The following MAP3K15 variants were observed in gnomAD, a reference collection of about 807,000 sequenced individuals.
The protein encoded by MAP3K15 is MAPK/ERK kinase kinase 15.
MAP3K15 carries 124 observed loss-of-function variants against 99.5 expected under a neutral mutation model. The ratio of observed to expected loss-of-function variants is 1.25; its 90% CI spans 1.08 to 1.45. The LOEUF (loss-of-function observed/expected upper bound fraction) is 1.45. Ranked by LOEUF, MAP3K15 falls within the 40% of genes most tolerant of loss-of-function variation. The pLI is 0.00. For synonymous variants in MAP3K15, 494 were observed against 439.6 expected, an observed-to-expected ratio of 1.12 and a Z score of -1.55; for missense variants, 1,242 against 1,079.7, an observed-to-expected ratio of 1.15 and a Z score of -2.11.
chrX:19,437,827 T>C (rs1475624109), intron 6 of MAP3K15, among the ~76,000 whole-genome samples: 1 of 111,757 alleles, frequency 8.9e-6, no homozygotes, highest in Admixed American at 9.6e-5. Flanking sequence ...TGAGCAGTTA[T>C]TGTAGTGACA....
intron 9 of MAP3K15, 122 bp from the exon 10 acceptor site, chrX:19,415,379 C>T (rs2063725864): frequency 6.4e-6 from 4 of 622,754 alleles, no homozygotes; most frequent in Non-Finnish European, 6.8e-6. Context: ...GTCATGAGTG[C>T]TTCATAAACG....
intron 6 of MAP3K15, among the ~76,000 whole-genome samples, chrX:19,436,464 A>C (rs911047736): frequency 9.0e-6 from 1 of 111,343 alleles, no homozygotes; most frequent in African/African-American, 3.3e-5. Context: ...GTCCCTTGGC[A>C]GTACCCTTGG....
At chrX:19,423,919 A>G (rs746311663) in intron 9 of MAP3K15, among the ~76,000 whole-genome samples, 3 of 111,484 alleles carry the variant, frequency 2.7e-5, no homozygotes, top group Non-Finnish European at 5.6e-5. Context: ...TCCCCAATAA[A>G]AACCCTGGAC....
At chrX:19,393,030 A>C (rs950905480) in intron 16 of MAP3K15, among the ~76,000 whole-genome samples, 5 of 110,900 alleles carry the variant, frequency 4.5e-5, no homozygotes, top group Non-Finnish European at 7.5e-5. Context: ...TCAGGGCAGG[A>C]CTGTCTTGAT....
intron 2 of MAP3K15, 28 bp downstream of exon 2, chrX:19,488,800 T>A (rs1327483972): frequency 8.5e-7 from 1 of 1,172,763 alleles, no homozygotes; most frequent in Non-Finnish European, 1.1e-6. Context: ...CAAAACAAAG[T>A]ACTCAGGAGA....
intron 21 of MAP3K15, 81 bp from the exon 22 acceptor site, chrX:19,372,908 G>A (rs2063386821): frequency 4.1e-6 from 4 of 971,303 alleles, no homozygotes; most frequent in Non-Finnish European, 5.7e-6. Flanking sequence ...ACGCCCTGGA[G>A]AAGGGCTGAG....
chrX:19,372,745 G>A lies in MAP3K15; in HGVS notation c.3016C>T (p.Arg1006Cys), dbSNP rs373296139. The change falls in exon 22 of 29, where the codon CGC becomes TGC. Residue 1006 changes from arginine (R) to cysteine (C), a missense_variant. Physicochemically the swap from Arg to Cys is radical, Grantham distance 180 (BLOSUM62 -3). Transcript: ENST00000338883. ...ATGGCACGGCGCTCACTGTCCTTGC[G>A]TAGCAGGAAGAGGCCCTGGTCCCTG... is the stretch of plus-strand genomic sequence containing the variant. ...EDRDQGLFLLRKDSERRAILY... is the reference protein window; with the variant it reads ...EDRDQGLFLLCKDSERRAILY... 20 of 1,209,291 alleles carry A rather than the reference G, an allele frequency of 1.7e-5. No individual in the cohort carries two copies. The highest frequency in any genetic ancestry group is 3.5e-5 in the South Asian group (2 of 56,814).
chrX:19,507,610 A>AG (rs2064487631), intron 1 of MAP3K15, among the ~76,000 whole-genome samples: 2 of 90,717 alleles, frequency 2.2e-5, no homozygotes, highest in African/African-American at 8.1e-5. Flanking sequence ...AAAAAAAAAA[A>AG]GAACAACTAA....
chrX:19,495,406 A>C (rs1222968407), intron 1 of MAP3K15, among the ~76,000 whole-genome samples: 1 of 112,059 alleles, frequency 8.9e-6, no homozygotes, highest in Non-Finnish European at 1.9e-5. Flanking sequence ...ACCAAGTGTC[A>C]TAGTGAGTGG....
chrX:19,360,622 A>G lies in MAP3K15; in HGVS notation c.*127T>C. The G allele has an allele frequency of 3.9e-6, 2 of 508,503 alleles. No individual in the cohort carries two copies. Among genetic ancestry groups the G allele is most frequent in the South Asian group, 6.0e-5 (2 of 33,574 alleles). The allele number at this position is 508,503 out of a possible 1,213,427, so 41.9% of individuals were successfully genotyped here. The stretch of plus-strand genomic sequence containing the variant: ...AGGACAGTATTTAAAACAAGTTCTT[A>G]AACTATTAATTGAACAATGGCATTT... On this transcript the variant is annotated 3_prime_UTR_variant, in exon 29 of 29. Coordinates refer to ENST00000338883, the MANE Select transcript of MAP3K15 (RefSeq NM_001001671.4).
intron 16 of MAP3K15, among the ~76,000 whole-genome samples, chrX:19,393,776 T>C (rs1487067706): frequency 1.1e-5 from 1 of 87,809 alleles, no homozygotes; most frequent in Non-Finnish European, 2.2e-5. Flanking sequence ...TTTTTTTTTT[T>C]TTTTTTTTTT....
At position 19,415,098 on chromosome X, in the gene MAP3K15, A is replaced by C; in HGVS notation, c.1590+9T>G. ...AATCTTAAAAAAAAATGGATTTAGCATATCTTACTGGAAATCTGAGTCCAT... is the reference window on the plus strand; with the variant it reads ...AATCTTAAAAAAAAATGGATTTAGCCTATCTTACTGGAAATCTGAGTCCAT... On this transcript the variant is annotated intron_variant, in intron 10 of 28. Transcript: ENST00000338883. The C allele has an allele frequency of 8.8e-7, 1 of 1,141,286 alleles. No individual in the cohort carries two copies. Among genetic ancestry groups the C allele is most frequent in the Non-Finnish European group, 1.2e-6 (1 of 867,161 alleles). 94.1% of individuals were successfully genotyped at this position (1,141,286 alleles called of 1,213,427 possible).
At chrX:19,484,992 C>A (rs1392233271) in intron 3 of MAP3K15, among the ~76,000 whole-genome samples, 2 of 111,037 alleles carry the variant, frequency 1.8e-5, no homozygotes, top group Non-Finnish European at 3.8e-5. Flanking sequence ...ACTTCTTCCC[C>A]ATTTCTCCAC....
intron 3 of MAP3K15, chrX:19,466,813 G>A (rs958003772): frequency 2.1e-4 from 23 of 111,782 alleles, no homozygotes; most frequent in Non-Finnish European, 7.5e-5. Context: ...GACTGGAAGT[G>A]TAAGGAGCTT....
chrX:19,363,795 G>A (rs1431067466), intron 25 of MAP3K15, among the ~76,000 whole-genome samples: 1 of 110,755 alleles, frequency 9.0e-6, no homozygotes, highest in African/African-American at 3.3e-5. Flanking sequence ...TGGGACTACA[G>A]GCATGCGCCA....
chrX:19,479,013 C>T (rs1404331618), intron 3 of MAP3K15, among the ~76,000 whole-genome samples: 1 of 111,428 alleles, frequency 9.0e-6, no homozygotes, highest in Non-Finnish European at 1.9e-5. Flanking sequence ...ATTTACCCAC[C>T]AATTCAGTGG....
intron 9 of MAP3K15, among the ~76,000 whole-genome samples, chrX:19,418,897 GA>G (rs981507130): frequency 5.4e-5 from 6 of 111,857 alleles, no homozygotes; most frequent in Non-Finnish European, 1.1e-4. Flanking sequence ...CATTCTTAAA[GA>G]AAAGAATTTT....
At chrX:19,458,653 C>T (rs2064111242) in intron 5 of MAP3K15, among the ~76,000 whole-genome samples, 1 of 111,533 alleles carries the variant, frequency 9.0e-6, no homozygotes, top group Non-Finnish European at 1.9e-5. Context: ...GCACTCCAGC[C>T]TGGGTAACAG....
intron 6 of MAP3K15, among the ~76,000 whole-genome samples, chrX:19,444,207 A>G (rs1008836489): frequency 1.8e-5 from 2 of 112,181 alleles, no homozygotes; most frequent in African/African-American, 3.2e-5. Context: ...GTCACCTAAG[A>G]TCACCACGAG....
Sources: allele counts gnomAD v4.1 joint callset (sites outside exome capture counted in the v4.1 genomes callset), GRCh38; gene constraint gnomAD v4.1.1; transcripts MANE v1.5; gene names NCBI Gene and HGNC (gene_info 2026-07-23, HGNC 2026-07-21).